Variants in ADRA1B observed in about 807,000 individuals in gnomAD.
ADRA1B encodes adrenoceptor alpha 1B.
A neutral mutation model predicts 17.9 loss-of-function variants in ADRA1B; 17 were observed. The observed-to-expected ratio is 0.95, with a 90% CI of 0.65 to 1.42. The LOEUF is 1.42. Among genes scored for constraint, ADRA1B ranks in the 40% most tolerant of loss-of-function variants. ADRA1B has a pLI of 0.00. For missense variants in ADRA1B, 681 were observed against 722.1 expected (o/e 0.94, Z 0.65); for synonymous variants, 366 against 327.6 (o/e 1.12, Z -1.27).
chr5:159,961,398 G>A (rs987202513), intron 1 of ADRA1B, among the ~76,000 whole-genome samples: 3 of 152,174 alleles, frequency 2.0e-5, no homozygotes, highest in Admixed American at 1.3e-4. Context: ...AACTTAACAT[G>A]GCTCTATTGG....
chr5:159,985,328 C>T, the ADRA1B span, among the ~76,000 whole-genome samples: 1 of 152,196 alleles, frequency 6.6e-6, no homozygotes, highest in Non-Finnish European at 1.5e-5. Context: ...TATGGGTTAT[C>T]TCCTCCATTG....
At chr5:159,904,380 G>A (rs1754137182) in intron 1 of ADRA1B, among the ~76,000 whole-genome samples, 1 of 152,164 alleles carries the variant, frequency 6.6e-6, no homozygotes, top group Admixed American at 6.5e-5. Context: ...GAAAAAGTGT[G>A]GATAAGCTAG....
chr5:159,881,299 TTCTCTCTCTCTC>T (rs11471058), intron 1 of ADRA1B, among the ~76,000 whole-genome samples: 45 of 132,068 alleles, frequency 3.4e-4, no homozygotes, highest in South Asian at 1.5e-3. Context: ...TATCAGAAAG[TTCTCTCTCTCTC>T]TCTCTCTCTC....
intron 1 of ADRA1B, among the ~76,000 whole-genome samples, chr5:159,896,542 CA>C (rs1754042883): frequency 6.6e-6 from 1 of 152,186 alleles, no homozygotes; most frequent in Non-Finnish European, 1.5e-5. Context: ...AGAGAAGAAA[CA>C]TTTAAAAAGC....
chr5:159,905,861 ATT>A (rs34796078), intron 1 of ADRA1B, among the ~76,000 whole-genome samples: 5 of 146,734 alleles, frequency 3.4e-5, no homozygotes, highest in Admixed American at 2.0e-4. Flanking sequence ...AGTCAATGCC[ATT>A]TTTTTTTTTT....
At chr5:159,965,994 C>T (rs2113290008) in intron 1 of ADRA1B, among the ~76,000 whole-genome samples, 1 of 152,268 alleles carries the variant, frequency 6.6e-6, no homozygotes. Flanking sequence ...AGGCTGGTCT[C>T]AAACTCCTGA....
At chr5:159,910,131 A>G (rs1333533078) in intron 1 of ADRA1B, among the ~76,000 whole-genome samples, 1 of 152,236 alleles carries the variant, frequency 6.6e-6, no homozygotes, top group East Asian at 1.9e-4. Context: ...ACATCAATAT[A>G]ATAATAGTAG....
At chr5:159,881,144 G>A (rs1198589654) in intron 1 of ADRA1B, among the ~76,000 whole-genome samples, 2 of 133,032 alleles carry the variant, frequency 1.5e-5, no homozygotes, top group South Asian at 2.4e-4. Flanking sequence ...ACTGCAGTCC[G>A]CAGTCCGGCC....
chr5:159,885,603 T>G (rs1229915714), intron 1 of ADRA1B, among the ~76,000 whole-genome samples: 1 of 152,248 alleles, frequency 6.6e-6, no homozygotes, highest in African/African-American at 2.4e-5. Context: ...AGCCTAAGGT[T>G]GGAGCCAATG....
chr5:159,884,577 G>C (rs1753902901), intron 1 of ADRA1B, among the ~76,000 whole-genome samples: 1 of 152,108 alleles, frequency 6.6e-6, no homozygotes, highest in Non-Finnish European at 1.5e-5. Context: ...ATAAATCTTT[G>C]TTCTTTATAA....
intron 1 of ADRA1B, among the ~76,000 whole-genome samples, chr5:159,966,448 A>G (rs1052993634): frequency 1.3e-5 from 2 of 152,198 alleles, no homozygotes; most frequent in African/African-American, 4.8e-5. Context: ...CCAAGGTCAC[A>G]TGGCCAGAGC....
downstream of ADRA1B, among the ~76,000 whole-genome samples, chr5:159,977,186 T>C (rs1755985115): frequency 6.6e-6 from 1 of 152,094 alleles, no homozygotes. Context: ...CCGCTAAATC[T>C]CCCAAAGGAC....
At chr5:159,959,808 TA>T (rs55764573) in intron 1 of ADRA1B, among the ~76,000 whole-genome samples, 43,465 of 144,448 alleles carry the variant, frequency 0.3, 6,837 homozygotes, top group East Asian at 0.62. Context: ...TTTAAAAATG[TA>T]AAAAAAAAAA....
At chr5:159,948,282 C>T in intron 1 of ADRA1B, 1 of 985,446 alleles carries the variant, frequency 1.0e-6, no homozygotes, top group Non-Finnish European at 1.2e-6. Flanking sequence ...CCTTTTCACA[C>T]ATGCTATGCA....
At chr5:159,910,132 A>G (rs1754213653) in intron 1 of ADRA1B, among the ~76,000 whole-genome samples, 1 of 152,242 alleles carries the variant, frequency 6.6e-6, no homozygotes, top group Non-Finnish European at 1.5e-5. Context: ...CATCAATATA[A>G]TAATAGTAGA....
intron 1 of ADRA1B, among the ~76,000 whole-genome samples, chr5:159,885,722 A>C (rs993441504): frequency 6.6e-6 from 1 of 152,204 alleles, no homozygotes; most frequent in Non-Finnish European, 1.5e-5. Context: ...TTCTTTCTAA[A>C]TAAAGCTATT....
chr5:159,904,683 C>T (rs1038749156), intron 1 of ADRA1B, among the ~76,000 whole-genome samples: 1 of 152,204 alleles, frequency 6.6e-6, no homozygotes, highest in African/African-American at 2.4e-5. Context: ...AAATTCATAG[C>T]ACTTGTGATC....
At chr5:159,908,374 C>T (rs994071744) in intron 1 of ADRA1B, among the ~76,000 whole-genome samples, 4 of 152,160 alleles carry the variant, frequency 2.6e-5, no homozygotes, top group Admixed American at 2.0e-4. Context: ...GAAATTCGAT[C>T]CCCCAGTGTT....
At chr5:159,957,722 G>A (rs1048874094) in intron 1 of ADRA1B, among the ~76,000 whole-genome samples, 31 of 151,702 alleles carry the variant, frequency 2.0e-4, no homozygotes, top group Non-Finnish European at 4.3e-4. Flanking sequence ...GATCACCTGA[G>A]GTGAGGAGTT....
Sources: gnomAD v4.1 joint callset for allele counts (sites outside exome capture counted in the v4.1 genomes callset) on GRCh38, gnomAD v4.1.1 for gene constraint, MANE v1.5 for transcripts, NCBI Gene and HGNC (gene_info 2026-07-23, HGNC 2026-07-21) for gene names.